Variants in GPC6 observed in about 807,000 individuals in gnomAD.
GPC6 encodes glypican-6.
Under a neutral mutation model 55.2 loss-of-function variants are expected in GPC6, and 14 were observed. The ratio of observed to expected loss-of-function variants is 0.25; its 90% confidence interval spans 0.17 to 0.40. The LOEUF is 0.40. GPC6 is among the 10% of genes least tolerant of loss of function. GPC6 has a pLI of 1.00. For synonymous variants in GPC6, 278 were observed against 259.6 expected, an observed-to-expected ratio of 1.07 and a Z score of -0.68; for missense variants, 641 against 708.5, an observed-to-expected ratio of 0.90 and a Z score of 1.08.
chr13:93,801,177 A>G (rs903835857), intron 2 of GPC6, among the ~76,000 whole-genome samples: 2 of 152,222 alleles, frequency 1.3e-5, no homozygotes, highest in Admixed American at 1.3e-4. Flanking sequence ...TGAGTATCAC[A>G]GCAGGCAGAT....
intron 6 of GPC6, among the ~76,000 whole-genome samples, chr13:94,354,669 G>A (rs1190987133): frequency 3.3e-5 from 5 of 152,200 alleles, no homozygotes; most frequent in Non-Finnish European, 7.3e-5. Flanking sequence ...TGAATGAATC[G>A]ATATGCAAAT....
At chr13:94,337,803 T>G (rs1453305006) in intron 6 of GPC6, among the ~76,000 whole-genome samples, 1 of 152,078 alleles carries the variant, frequency 6.6e-6, no homozygotes, top group Non-Finnish European at 1.5e-5. Context: ...AATAATAATA[T>G]CCAACGGGAG....
chr13:93,789,610 T>TACTACATATATATATATAATACTAC (rs1178827836), intron 2 of GPC6, among the ~76,000 whole-genome samples: 3 of 27,694 alleles, frequency 1.1e-4, no homozygotes, highest in African/African-American at 2.9e-4. Context: ...TATATATATA[T>TACTACATATATATATATAATACTAC]ATATATATAT....
intron 3 of GPC6, among the ~76,000 whole-genome samples, chr13:93,906,081 G>A (rs1876647866): frequency 6.6e-6 from 1 of 152,148 alleles, no homozygotes; most frequent in Non-Finnish European, 1.5e-5. Context: ...GTATTATAAG[G>A]ATGCAGGGGG....
chr13:93,863,771 G>C (rs746890475), intron 3 of GPC6, among the ~76,000 whole-genome samples: 6 of 151,636 alleles, frequency 4.0e-5, no homozygotes, highest in Non-Finnish European at 8.9e-5. Context: ...AGACAAATGA[G>C]TCTAGTCCTC....
intron 2 of GPC6, among the ~76,000 whole-genome samples, chr13:93,640,094 T>C (rs569456987): frequency 4.6e-5 from 7 of 152,256 alleles, no homozygotes; most frequent in Admixed American, 3.9e-4. Context: ...AAATTAAAAA[T>C]ATCTTTATAA....
At chr13:93,325,824 G>A (rs779737173) in intron 1 of GPC6, among the ~76,000 whole-genome samples, 12 of 152,262 alleles carry the variant, frequency 7.9e-5, no homozygotes, top group Non-Finnish European at 8.8e-5. Flanking sequence ...AATATGTACT[G>A]ATAGGAGATG....
chr13:94,115,004 G>T (rs926640251), intron 4 of GPC6, among the ~76,000 whole-genome samples: 6 of 152,038 alleles, frequency 3.9e-5, no homozygotes, highest in African/African-American at 1.4e-4. Context: ...AAACTCTATT[G>T]TCTCCAATAA....
intron 3 of GPC6, among the ~76,000 whole-genome samples, chr13:93,864,476 C>A (rs560508868): frequency 6.6e-6 from 1 of 151,776 alleles, no homozygotes; most frequent in South Asian, 2.1e-4. Context: ...CGCCTTGTGT[C>A]ATTTCTCTGT....
At chr13:93,843,225 A>T (rs9524254) in intron 3 of GPC6, among the ~76,000 whole-genome samples, 2 of 151,770 alleles carry the variant, frequency 1.3e-5, no homozygotes, top group East Asian at 1.9e-4. Flanking sequence ...CAGTTGGCTC[A>T]CATCGTTTGT....
intron 2 of GPC6, among the ~76,000 whole-genome samples, chr13:93,562,214 G>C (rs2139460185): frequency 6.6e-6 from 1 of 152,096 alleles, no homozygotes; most frequent in South Asian, 2.1e-4. Context: ...ACTCAAGCAG[G>C]AGAGAATGCA....
intron 2 of GPC6, among the ~76,000 whole-genome samples, chr13:93,790,431 T>G (rs2138921689): frequency 6.6e-6 from 1 of 152,294 alleles, no homozygotes; most frequent in African/African-American, 2.4e-5. Context: ...AATTTCCAAT[T>G]CCAGTGAACA....
chr13:93,350,057 C>T (rs1880576390), intron 1 of GPC6, among the ~76,000 whole-genome samples: 1 of 152,024 alleles, frequency 6.6e-6, no homozygotes, highest in Non-Finnish European at 1.5e-5. Flanking sequence ...TCTATTTGTC[C>T]ACTTAATAGA....
At position 93,767,420 on chromosome 13, in the gene GPC6, G is replaced by A. The variant is rs1056353274; in HGVS notation, c.320-62734G>A. 3.9e-4 allele frequency among the ~76,000 whole-genome samples: 60 copies of A among 152,208 alleles called. 1 individual carries two copies. The highest frequency in any genetic ancestry group is 3.4e-3 in the Middle Eastern group (1 of 294). On this transcript the variant is annotated intron_variant, in intron 2 of 8. Coordinates refer to ENST00000377047, the MANE Select transcript of GPC6 (RefSeq NM_005708.5). ...TCGGTGTTCGAAGTCAGTTAAAAAA[G>A]CAAATTTGTACTTTGAACTTAGTGT...
At chr13:93,485,090 A>T (rs1879652424) in intron 1 of GPC6, among the ~76,000 whole-genome samples, 1 of 152,190 alleles carries the variant, frequency 6.6e-6, no homozygotes, top group Admixed American at 6.5e-5. Flanking sequence ...CCCCCTGGAG[A>T]TGTTCTATCT....
rs531239142 is a variant in GPC6 at position 93,645,130 on chromosome 13, G to A, written c.319+99709G>A. ...AAGGGCATAGCCCCAGGGCCTGGCC[G>A]TCCTGCAAGGACCAAAGGAAAGAAT... On this transcript the variant is annotated intron_variant, in intron 2 of 8. Coordinates refer to ENST00000377047, the MANE Select transcript of GPC6 (RefSeq NM_005708.5). 2.5e-3 allele frequency among the ~76,000 whole-genome samples: 378 copies of A among 152,224 alleles called. 2 individuals are homozygous for A. The highest frequency in any genetic ancestry group is 4.1e-3 in the Non-Finnish European group (282 of 67,990).
chr13:93,218,262 T>G, the GPC6 span, among the ~76,000 whole-genome samples: 2 of 152,144 alleles, frequency 1.3e-5, no homozygotes, highest in Non-Finnish European at 2.9e-5. Flanking sequence ...GGAAGTGAGT[T>G]CAGATTGTGA....
chr13:93,476,360 A>C (rs923747470), intron 1 of GPC6, among the ~76,000 whole-genome samples: 1 of 152,020 alleles, frequency 6.6e-6, no homozygotes, highest in Non-Finnish European at 1.5e-5. Flanking sequence ...TCTTCAAAAG[A>C]ATGCTCCCCT....
intron 4 of GPC6, among the ~76,000 whole-genome samples, chr13:94,229,120 C>A (rs1890643301): frequency 1.3e-5 from 2 of 152,140 alleles, no homozygotes; most frequent in African/African-American, 4.8e-5. Context: ...TGACATCAGT[C>A]CGAATTATGC....
Sources: gnomAD v4.1 joint callset for allele counts (sites outside exome capture counted in the v4.1 genomes callset) on GRCh38, gnomAD v4.1.1 for gene constraint, MANE v1.5 for transcripts, NCBI Gene and HGNC (gene_info 2026-07-23, HGNC 2026-07-21) for gene names.